The following GTF2E2 variants were observed in gnomAD, a reference collection of about 807,000 sequenced individuals.
GTF2E2 encodes transcription initiation factor IIE subunit beta.
In GTF2E2, 21 loss-of-function variants were observed where a neutral mutation model predicts 40.5. The ratio of observed to expected loss-of-function variants is 0.52; its 90% CI spans 0.37 to 0.75. The LOEUF (loss-of-function observed/expected upper bound fraction) is 0.75, where lower values mean the gene tolerates loss of function less well. GTF2E2 is among the 30% of genes least tolerant of loss of function. The pLI is 0.00. For synonymous variants in GTF2E2, 117 were observed against 121.6 expected, an observed-to-expected ratio of 0.96 and a Z score of 0.25; for missense variants, 298 against 338.4, an observed-to-expected ratio of 0.88 and a Z score of 0.94.
Position 30,612,326 on chromosome 8 carries a change from T to C in GTF2E2, c.522A>G (p.Ala174=), listed in dbSNP as rs1403508711. The C allele has an allele frequency of 6.2e-7, 1 of 1,612,066 alleles. No individual in the cohort carries two copies. The highest frequency in any genetic ancestry group is 8.5e-7 in the Non-Finnish European group (1 of 1,178,226). Residue 174 remains alanine, a synonymous_variant, in exon 5 of 8, where the codon GCA becomes GCG. Transcript: ENST00000355904. ...GGILLEDIEE[A]LPNSQKAVKA... ...TGACAGCTTTCTGGGAATTGGGCAG[T>C]GCTTCTTCTATGTCTTCTAAAAGAA...
intron 6 of GTF2E2, among the ~76,000 whole-genome samples, chr8:30,583,875 G>A (rs575783787): frequency 4.6e-5 from 7 of 151,798 alleles, no homozygotes; most frequent in South Asian, 2.1e-4. Context: ...GTGCGATCTC[G>A]GCTCACTGCA....
chr8:30,618,754 CAA>C (rs1257261515), intron 3 of GTF2E2, among the ~76,000 whole-genome samples: 2 of 152,102 alleles, frequency 1.3e-5, no homozygotes, highest in East Asian at 3.9e-4. Flanking sequence ...TCTATTCCTT[CAA>C]AGTAAAGCTG....
At chr8:30,589,863 A>G (rs1049581968) in intron 6 of GTF2E2, among the ~76,000 whole-genome samples, 2 of 152,350 alleles carry the variant, frequency 1.3e-5, no homozygotes, top group South Asian at 4.1e-4. Context: ...GAAGGGGAGA[A>G]GCCGTGGGGT....
intron 6 of GTF2E2, among the ~76,000 whole-genome samples, chr8:30,592,540 CA>C (rs1828879101): frequency 6.6e-6 from 1 of 152,080 alleles, no homozygotes; most frequent in South Asian, 2.1e-4. Flanking sequence ...ATACAGATAC[CA>C]AAATCTACAG....
chr8:30,593,015 GAAACCCC>G (rs1340897512), intron 6 of GTF2E2, among the ~76,000 whole-genome samples: 1 of 152,080 alleles, frequency 6.6e-6, no homozygotes, highest in Non-Finnish European at 1.5e-5. Context: ...AGCCTGACCT[GAAACCCC>G]GTCTCTACTA....
chr8:30,617,546 A>G (rs1229204651), intron 3 of GTF2E2, among the ~76,000 whole-genome samples: 1 of 152,104 alleles, frequency 6.6e-6, no homozygotes, highest in Non-Finnish European at 1.5e-5. Flanking sequence ...GATTGAGGCC[A>G]GCCTGGACAA....
At chr8:30,624,173 T>G (rs144693868) in intron 3 of GTF2E2, among the ~76,000 whole-genome samples, 3,254 of 152,250 alleles carry the variant, frequency 0.021, 70 homozygotes, top group Non-Finnish European at 0.03. Flanking sequence ...TAATCCATCT[T>G]GAATTAATTT....
chr8:30,606,774 G>A (rs1327713375), intron 6 of GTF2E2, among the ~76,000 whole-genome samples: 2 of 152,072 alleles, frequency 1.3e-5, no homozygotes, highest in African/African-American at 4.8e-5. Flanking sequence ...AAAGTCTAAA[G>A]ATAAAGAAAT....
chr8:30,618,192 G>A (rs936539183), intron 3 of GTF2E2, among the ~76,000 whole-genome samples: 8 of 151,310 alleles, frequency 5.3e-5, no homozygotes, highest in Non-Finnish European at 1.2e-4. Context: ...AGCTACTCAG[G>A]AGGCTGAGGA....
At chr8:30,644,421 C>T (rs1255538946) in intron 2 of GTF2E2, 1 of 152,108 alleles carries the variant, frequency 6.6e-6, no homozygotes, top group Non-Finnish European at 1.5e-5. Context: ...TCACTCTAAC[C>T]TAAAATTTTA....
At chr8:30,602,498 G>C (rs1829210780) in intron 6 of GTF2E2, among the ~76,000 whole-genome samples, 1 of 151,974 alleles carries the variant, frequency 6.6e-6, no homozygotes, top group South Asian at 2.1e-4. Flanking sequence ...TTTGTTATAA[G>C]AGTGTTCACT....
chr8:30,621,158 C>T (rs1801088893), intron 3 of GTF2E2, among the ~76,000 whole-genome samples: 1 of 151,604 alleles, frequency 6.6e-6, no homozygotes. Flanking sequence ...AGTTTTTTTC[C>T]CCATTACAAT....
At chr8:30,602,086 AG>A (rs2151120204) in intron 6 of GTF2E2, among the ~76,000 whole-genome samples, 1 of 150,660 alleles carries the variant, frequency 6.6e-6, no homozygotes, top group East Asian at 2.0e-4. Context: ...GGCACAATCT[AG>A]GCTCACTACA....
In GTF2E2 at chr8:30,658,146, C is replaced by T. The variant is rs1586018595; in HGVS notation, c.-178G>A. On this transcript the variant is annotated 5_prime_UTR_variant, in exon 1 of 8. Coordinates refer to ENST00000355904, the MANE Select transcript of GTF2E2 (RefSeq NM_002095.6). ...GTCGGGGTCTCACCACTGGCGGTGG[C>T]GGCGGCGGCGGCGGCAGCGGCGGTA... 2.1e-5 allele frequency: 4 copies of T among 191,680 alleles called. No individual in the cohort carries two copies. Among genetic ancestry groups the T allele is most frequent in the Non-Finnish European group, 4.2e-5 (4 of 94,622 alleles). The allele number at this position is 191,680 out of a possible 1,614,324, so 11.9% of individuals were successfully genotyped here. A position where few individuals can be genotyped will look rare whatever the true frequency, so the allele number is the denominator to read the frequency against.
intron 6 of GTF2E2, among the ~76,000 whole-genome samples, chr8:30,596,284 T>C (rs1462048514): frequency 2.0e-5 from 3 of 152,222 alleles, no homozygotes; most frequent in Non-Finnish European, 4.4e-5. Context: ...TTCAGACCAC[T>C]TGATATTGTC....
intron 2 of GTF2E2, among the ~76,000 whole-genome samples, chr8:30,639,702 C>A (rs1338309995): frequency 6.6e-6 from 1 of 151,888 alleles, no homozygotes; most frequent in Non-Finnish European, 1.5e-5. Context: ...CTATATCGGA[C>A]CTAAAGAGCC....
At chr8:30,611,016 A>T (rs146191097) in intron 5 of GTF2E2, among the ~76,000 whole-genome samples, 44 of 152,386 alleles carry the variant, frequency 2.9e-4, no homozygotes, top group African/African-American at 9.9e-4. Context: ...TTAAAAAGGA[A>T]GAAAATCCTG....
chr8:30,581,453 G>C (rs753133457), intron 6 of GTF2E2, among the ~76,000 whole-genome samples: 1 of 151,790 alleles, frequency 6.6e-6, no homozygotes, highest in Non-Finnish European at 1.5e-5. Context: ...TTCAGTACAC[G>C]CTGCATAAAG....
At chr8:30,628,198 A>G (rs1801340253) in intron 3 of GTF2E2, among the ~76,000 whole-genome samples, 1 of 152,220 alleles carries the variant, frequency 6.6e-6, no homozygotes. Context: ...CTTCTGCCCA[A>G]CTGAGAACAA....
Sources: gnomAD v4.1 joint callset for allele counts (sites outside exome capture counted in the v4.1 genomes callset) on GRCh38, gnomAD v4.1.1 for gene constraint, MANE v1.5 for transcripts, NCBI Gene and HGNC (gene_info 2026-07-23, HGNC 2026-07-21) for gene names.